CEP128: variants seen among roughly 807,000 people sequenced by gnomAD.
CEP128 encodes the protein centrosomal protein 128.
Under a neutral mutation model 156.7 loss-of-function variants are expected in CEP128, and 132 were observed. The ratio of observed to expected loss-of-function variants is 0.84; its 90% confidence interval spans 0.73 to 0.97. The LOEUF (loss-of-function observed/expected upper bound fraction) is 0.97, where lower values mean the gene tolerates loss of function less well. CEP128 is among the 50% of genes least tolerant of loss of function. CEP128 has a pLI of 0.00. For synonymous variants in CEP128, 469 were observed against 448.9 expected (o/e 1.04, Z -0.57); for missense variants, 1,252 against 1,281.9 (o/e 0.98, Z 0.36).
At chr14:80,662,524 T>C (rs1895443471) in intron 19 of CEP128, among the ~76,000 whole-genome samples, 1 of 152,154 alleles carries the variant, frequency 6.6e-6, no homozygotes, top group Non-Finnish European at 1.5e-5. Context: ...CTCAACAATA[T>C]AAGCCATGTA....
intron 21 of CEP128, among the ~76,000 whole-genome samples, chr14:80,543,537 A>G (rs1444956092): frequency 2.6e-5 from 4 of 152,236 alleles, no homozygotes; most frequent in Admixed American, 2.0e-4. Context: ...GCACAAGTAT[A>G]TATTTTTGAA....
At chr14:80,945,855 C>T (rs564337623), upstream of CEP128, 4 of 152,314 alleles carry the variant, frequency 2.6e-5, no homozygotes, top group African/African-American at 7.2e-5. Context: ...ATACAGCCCC[C>T]GTTCCTGACA....
chr14:80,808,427 C>T (rs541686264), intron 13 of CEP128, among the ~76,000 whole-genome samples: 1 of 152,236 alleles, frequency 6.6e-6, no homozygotes, highest in Non-Finnish European at 1.5e-5. Context: ...TGTACTGTAC[C>T]TACCAACAAC....
chr14:80,682,790 G>A (rs535641628), intron 19 of CEP128, among the ~76,000 whole-genome samples: 17 of 152,230 alleles, frequency 1.1e-4, no homozygotes, highest in African/African-American at 3.6e-4. Context: ...GCCTATGTTC[G>A]GCACTCGCAG....
intron 13 of CEP128, among the ~76,000 whole-genome samples, chr14:80,795,652 C>A (rs1019823985): frequency 1.6e-4 from 24 of 152,132 alleles, no homozygotes; most frequent in African/African-American, 4.8e-4. Context: ...CATGCCTCAA[C>A]CCAGCTCACA....
intron 21 of CEP128, among the ~76,000 whole-genome samples, chr14:80,543,670 T>C (rs950237526): frequency 5.3e-5 from 8 of 152,174 alleles, no homozygotes; most frequent in Non-Finnish European, 1.0e-4. Flanking sequence ...CCACAACCAA[T>C]TGCTTTCTTG....
At chr14:80,931,486 T>C (rs78218384) in intron 2 of CEP128, among the ~76,000 whole-genome samples, 14,411 of 152,280 alleles carry the variant, frequency 0.095, 805 homozygotes, top group Middle Eastern at 0.13. Flanking sequence ...AGCACACACA[T>C]CATCTCTTAT....
intron 19 of CEP128, among the ~76,000 whole-genome samples, chr14:80,653,283 T>C (rs1040406156): frequency 3.3e-5 from 5 of 152,014 alleles, no homozygotes; most frequent in African/African-American, 1.2e-4. Context: ...TTTATACCTA[T>C]GTAACAAACC....
At position 80,530,810 on chromosome 14, in the gene CEP128, C is replaced by T; in HGVS notation, c.2957G>A (p.Arg986Lys). ...LSLLEDFKDF[R>K]DSCSSSERTD... ...AGAGACAAGCCAACTCTTTCTCACT[C>T]TGAAGTCTTTGAAATCTTCTAGTAG... Residue 986 changes from arginine to lysine, a missense_variant and splice_region_variant, in exon 22 of 25, where the codon AGA (arginine) becomes AAA (lysine). Arg to Lys is a conservative substitution (Grantham distance 26). Coordinates refer to ENST00000555265, the MANE Select transcript of CEP128 (RefSeq NM_152446.5). The T allele has an allele frequency of 6.2e-7, 1 of 1,601,638 alleles. No homozygotes were observed.
At chr14:80,750,578 C>T (rs1899340697) in intron 18 of CEP128, among the ~76,000 whole-genome samples, 1 of 152,182 alleles carries the variant, frequency 6.6e-6, no homozygotes, top group Non-Finnish European at 1.5e-5. Flanking sequence ...GATTTAACTG[C>T]AAATTTAAAA....
intron 8 of CEP128, among the ~76,000 whole-genome samples, chr14:80,878,255 G>A (rs778481399): frequency 2.0e-4 from 30 of 152,114 alleles, no homozygotes; most frequent in Non-Finnish European, 1.2e-4. Flanking sequence ...CAGGGAATAA[G>A]AGCCATGGCT....
intron 6 of CEP128, 53 bp downstream of exon 6, chr14:80,904,760 C>G (rs556782571): frequency 1.0e-6 from 1 of 982,748 alleles, no homozygotes; most frequent in South Asian, 1.3e-5. Flanking sequence ...CATTTATATA[C>G]AATAGAAGCA....
At chr14:80,948,848 A>T (rs1886399700) in intron 2 of CEP128, among the ~76,000 whole-genome samples, 1 of 152,206 alleles carries the variant, frequency 6.6e-6, no homozygotes, top group Non-Finnish European at 1.5e-5. Flanking sequence ...TTGTCTTATT[A>T]ATTGTCATAG....
intron 8 of CEP128, among the ~76,000 whole-genome samples, chr14:80,865,776 G>A (rs937157201): frequency 5.3e-5 from 8 of 152,008 alleles, no homozygotes; most frequent in Non-Finnish European, 7.4e-5. Context: ...CTACGGAGAC[G>A]CCACATGTCA....
intron 9 of CEP128, among the ~76,000 whole-genome samples, chr14:80,848,815 G>C (rs970380197): frequency 1.1e-4 from 16 of 151,766 alleles, no homozygotes; most frequent in Non-Finnish European, 1.5e-5. Context: ...CCAGATACTC[G>C]GGAGGCTGAG....
chr14:80,839,336 G>C (rs1886240353), intron 10 of CEP128, among the ~76,000 whole-genome samples: 1 of 152,164 alleles, frequency 6.6e-6, no homozygotes, highest in African/African-American at 2.4e-5. Context: ...TATCATTTCA[G>C]TTGAACAACT....
chr14:80,792,422 G>GA (rs778181071), intron 14 of CEP128, among the ~76,000 whole-genome samples: 2 of 152,166 alleles, frequency 1.3e-5, no homozygotes, highest in Non-Finnish European at 1.5e-5. Context: ...AAAGTTGTGT[G>GA]AAAATAACAA....
At chr14:80,801,134 T>C (rs1883820149) in intron 13 of CEP128, among the ~76,000 whole-genome samples, 1 of 152,230 alleles carries the variant, frequency 6.6e-6, no homozygotes, top group Non-Finnish European at 1.5e-5. Flanking sequence ...AAGGACTTTT[T>C]TGGCTGAGAT....
intron 19 of CEP128, among the ~76,000 whole-genome samples, chr14:80,724,886 G>A (rs1897953779): frequency 6.7e-6 from 1 of 150,012 alleles, no homozygotes; most frequent in African/African-American, 2.4e-5. Flanking sequence ...TTGCTCCTTT[G>A]TTCATTCACT....
Sources: gnomAD v4.1 joint callset for allele counts (sites outside exome capture counted in the v4.1 genomes callset) on GRCh38, gnomAD v4.1.1 for gene constraint, MANE v1.5 for transcripts, NCBI Gene and HGNC (gene_info 2026-07-23, HGNC 2026-07-21) for gene names.